TYR: variants seen among roughly 807,000 people sequenced by gnomAD.
TYR encodes tyrosinase, also known as LB24-AB.
TYR carries 58 observed loss-of-function variants against 51.5 expected under a neutral mutation model. The ratio of observed to expected loss-of-function variants is 1.13; its 90% confidence interval spans 0.91 to 1.40. TYR has a LOEUF of 1.40. Among genes scored for constraint, TYR ranks in the 40% most tolerant of loss-of-function variants. The probability of loss-of-function intolerance (pLI) is 0.00; values close to 1 mark genes in which losing one functional copy is unlikely to be tolerated. For missense variants in TYR, 732 were observed against 647.4 expected, an observed-to-expected ratio of 1.13 and a Z score of -1.42; for synonymous variants, 263 against 235.2, an observed-to-expected ratio of 1.12 and a Z score of -1.08.
chr11:89,253,130 C>T (rs1283565328), intron 3 of TYR, among the ~76,000 whole-genome samples: 1 of 151,670 alleles, frequency 6.6e-6, no homozygotes, highest in Non-Finnish European at 1.5e-5. Flanking sequence ...AATTCTTATG[C>T]TCTCTTTCTG....
intron 3 of TYR, among the ~76,000 whole-genome samples, chr11:89,235,271 T>C (rs898372576): frequency 1.3e-4 from 20 of 152,170 alleles, no homozygotes; most frequent in African/African-American, 4.1e-4. Flanking sequence ...TGGAGCTTCC[T>C]CAGTAAACTA....
At chr11:89,213,243 A>C in intron 2 of TYR, among the ~76,000 whole-genome samples, 1 of 152,234 alleles carries the variant, frequency 6.6e-6, no homozygotes, top group East Asian at 1.9e-4. Flanking sequence ...GAAAAGTCTC[A>C]GGATACAAAA....
chr11:89,275,121 G>T (rs1265957958), intron 3 of TYR, among the ~76,000 whole-genome samples: 1 of 151,776 alleles, frequency 6.6e-6, no homozygotes, highest in Non-Finnish European at 1.5e-5. Context: ...ATTCTACAGG[G>T]ATAAATCATA....
intron 1 of TYR, among the ~76,000 whole-genome samples, chr11:89,180,623 G>A (rs1010883531): frequency 3.3e-5 from 5 of 151,666 alleles, no homozygotes; most frequent in African/African-American, 1.2e-4. Flanking sequence ...CTTCAACCTT[G>A]TTCTATGATT....
At chr11:89,228,328 A>G (rs1250755823) in intron 3 of TYR, among the ~76,000 whole-genome samples, 1 of 152,180 alleles carries the variant, frequency 6.6e-6, no homozygotes, top group African/African-American at 2.4e-5. Flanking sequence ...TTGTACTTCC[A>G]TGCTAAATAG....
chr11:89,274,212 TC>T (rs1944624112), intron 3 of TYR, among the ~76,000 whole-genome samples: 1 of 151,906 alleles, frequency 6.6e-6, no homozygotes. Flanking sequence ...TGTATGATTC[TC>T]TTTTTATATT....
chr11:89,224,377 A>G (rs905881625), intron 2 of TYR, among the ~76,000 whole-genome samples: 5 of 152,134 alleles, frequency 3.3e-5, no homozygotes, highest in Admixed American at 1.3e-4. Flanking sequence ...TTGAAGCCCA[A>G]AAAATATAAA....
At chr11:89,238,452 C>A (rs12418646) in intron 3 of TYR, among the ~76,000 whole-genome samples, 4,785 of 152,112 alleles carry the variant, frequency 0.031, 136 homozygotes, top group African/African-American at 0.074. Flanking sequence ...ATCCTGTAAC[C>A]TTACTGAAGT....
chr11:89,268,048 G>A (rs1477155587), intron 3 of TYR, among the ~76,000 whole-genome samples: 2 of 151,900 alleles, frequency 1.3e-5, no homozygotes, highest in East Asian at 1.9e-4. Context: ...TAGACTGCAG[G>A]TTTCAAATGT....
chr11:89,179,552 C>CAA (rs56159338), intron 1 of TYR, among the ~76,000 whole-genome samples: 1 of 149,566 alleles, frequency 6.7e-6, no homozygotes, highest in African/African-American at 2.5e-5. Flanking sequence ...TAATAAGCAG[C>CAA]AAAAAAAAAA....
chr11:89,184,443 T>G (rs540544578), intron 1 of TYR, among the ~76,000 whole-genome samples: 23 of 152,290 alleles, frequency 1.5e-4, no homozygotes, highest in African/African-American at 5.5e-4. Flanking sequence ...GTTAGTTTTA[T>G]TCAACCATTC....
At position 89,231,167 on chromosome 11, in the gene TYR, T is replaced by C. The variant is rs182220167; in HGVS notation, c.1184+3197T>C. ...GCCTGAGTGACAGGGTGAGACTTCG[T>C]CTCAAAAAAAAAAAAAAAAAAAAAG... On this transcript the variant is annotated intron_variant, in intron 3 of 4. Transcript: ENST00000263321. Among the ~76,000 whole-genome samples the C allele has an allele frequency of 9.7e-4, 99 of 102,330 alleles. No homozygotes were observed. In the East Asian group the frequency reaches 0.02, roughly 20 times the overall value. 67.1% of individuals were successfully genotyped at this position (102,330 alleles called of 152,430 possible).
chr11:89,291,973 G>A (rs1197930308), intron 4 of TYR, among the ~76,000 whole-genome samples: 1 of 151,758 alleles, frequency 6.6e-6, no homozygotes, highest in Non-Finnish European at 1.5e-5. Flanking sequence ...ATTATTTACA[G>A]TTCAACCAAA....
chr11:89,182,814 A>G (rs1426697069), intron 1 of TYR, among the ~76,000 whole-genome samples: 1 of 152,128 alleles, frequency 6.6e-6, no homozygotes, highest in Non-Finnish European at 1.5e-5. Flanking sequence ...CAGATCAGCT[A>G]GCTACAAAAA....
chr11:89,236,314 C>T (rs2135287817), intron 3 of TYR, among the ~76,000 whole-genome samples: 1 of 151,978 alleles, frequency 6.6e-6, no homozygotes, highest in African/African-American at 2.4e-5. Context: ...AAAGTACTAT[C>T]ATTAAATTCA....
At chr11:89,224,818 C>A (rs1052342858) in intron 2 of TYR, among the ~76,000 whole-genome samples, 1 of 152,118 alleles carries the variant, frequency 6.6e-6, no homozygotes, top group African/African-American at 2.4e-5. Context: ...TACTAGGCAA[C>A]AAACTTCTTA....
intron 3 of TYR, among the ~76,000 whole-genome samples, chr11:89,261,763 C>T (rs1461127791): frequency 6.6e-6 from 1 of 151,790 alleles, no homozygotes; most frequent in Non-Finnish European, 1.5e-5. Flanking sequence ...TTTTCAAGTG[C>T]ACATGGAGTA....
intron 3 of TYR, among the ~76,000 whole-genome samples, chr11:89,234,422 T>G (rs2135286442): frequency 6.9e-6 from 1 of 144,018 alleles, no homozygotes; most frequent in East Asian, 2.0e-4. Context: ...GCACTTTGCA[T>G]TTCCTTCAAG....
chr11:89,183,864 T>C (rs1160847846), intron 1 of TYR, among the ~76,000 whole-genome samples: 1 of 152,144 alleles, frequency 6.6e-6, no homozygotes, highest in Non-Finnish European at 1.5e-5. Flanking sequence ...TTATGATAGT[T>C]GTCATTATTA....
Sources: gnomAD v4.1 joint callset for allele counts (sites outside exome capture counted in the v4.1 genomes callset) on GRCh38, gnomAD v4.1.1 for gene constraint, MANE v1.5 for transcripts, NCBI Gene and HGNC (gene_info 2026-07-23, HGNC 2026-07-21) for gene names.